FGA: variants seen among roughly 807,000 people sequenced by gnomAD.
FGA encodes the protein fibrinogen, A alpha polypeptide.
In FGA, 20 loss-of-function variants were observed where a neutral mutation model predicts 20.3. The observed-to-expected ratio is 0.99, with a 90% CI of 0.69 to 1.43. The LOEUF is 1.43. FGA is among the 40% of genes most tolerant of loss of function. The pLI, the probability that FGA is intolerant of heterozygous loss-of-function variation, is 0.00. For missense variants in FGA, 777 were observed against 784.7 expected (o/e 0.99, Z 0.12); for synonymous variants, 306 against 281.6 (o/e 1.09, Z -0.87).
chr4:154,585,168 A>G (rs1730675573), downstream of FGA: 1 of 1,106,632 alleles, frequency 9.0e-7, no homozygotes, highest in Non-Finnish European at 1.2e-6. Flanking sequence ...GTCAACTGAG[A>G]CACATACTAA....
Position 154,586,525 on chromosome 4 carries a change from G to A in FGA, c.904C>T (p.Pro302Ser). ...AGSWNSGSSG[P>S]GSTGNRNPGS... is the part of the protein sequence containing the mutation. ...GGGTTTCGGTTTCCAGTACTTCCAG[G>A]TCCAGAGCTCCCAGAGTTCCAGCTT... is the stretch of plus-strand genomic sequence containing the variant. The change falls in exon 5 of 5, where the codon CCT (proline) becomes TCT (serine). Residue 302 changes from proline (P) to serine (S), a missense_variant. Coordinates refer to ENST00000403106, the MANE Select transcript of FGA (RefSeq NM_021871.4). 6.2e-7 allele frequency: 1 copy of A among 1,613,336 alleles called. No individual in the cohort carries two copies. The highest frequency in any genetic ancestry group is 1.7e-5 in the Admixed American group (1 of 59,962).
At position 154,586,128 on chromosome 4, in the gene FGA, A is replaced by G; in HGVS notation, c.1301T>C (p.Val434Ala). The G allele has an allele frequency of 6.2e-7, 1 of 1,614,124 alleles. No homozygotes were observed. The highest frequency in any genetic ancestry group is 8.5e-7 in the Non-Finnish European group (1 of 1,179,992). Residue 434 changes from valine (V) to alanine (A), a missense_variant, in exon 5 of 5, where the codon GTC becomes GCC. Coordinates refer to ENST00000403106, the MANE Select transcript of FGA (RefSeq NM_021871.4). ...GAGCTCTTTATCTCCTTTAGAAGTG[A>G]CCAGTTTTTCTGTGTGGTACTCTCT... ...TRREYHTEKL[V>A]TSKGDKELRT...
chr4:154,589,097 A>AAGTAGGT (rs1449892589), intron 2 of FGA, 121 bp from the exon 3 acceptor site: 23 of 897,078 alleles, frequency 2.6e-5, no homozygotes, highest in Middle Eastern at 3.0e-4. Context: ...GTTGGCTTAA[A>AAGTAGGT]AGTAGGTAAG....
downstream of FGA, chr4:154,584,427 C>A (rs776549090): frequency 3.1e-6 from 5 of 1,614,184 alleles, no homozygotes; most frequent in South Asian, 4.4e-5. Context: ...AACCCTCAAT[C>A]AGAGCATCAC....
chr4:154,587,038 G>A, intron 4 of FGA, 120 bp from the exon 5 acceptor site: 1 of 940,450 alleles, frequency 1.1e-6, no homozygotes, highest in African/African-American at 1.6e-5. Context: ...TTGACTCGGA[G>A]ACCTACCACT....
chr4:154,585,119 C>A, downstream of FGA: 1 of 747,626 alleles, frequency 1.3e-6, no homozygotes, highest in Non-Finnish European at 2.0e-6. Flanking sequence ...CTAAGCATCA[C>A]TTAATACTAA....
intron 4 of FGA, among the ~76,000 whole-genome samples, chr4:154,587,272 TAGAC>T (rs1341463623): frequency 1.3e-5 from 2 of 152,310 alleles, no homozygotes; most frequent in African/African-American, 4.8e-5. Context: ...GCTTTGGAAT[TAGAC>T]AGGGACTGAA....
Position 154,587,212 on chromosome 4 carries a change from A to T in FGA, c.511-294T>A, listed in dbSNP as rs534931655. 2.0e-5 allele frequency among the ~76,000 whole-genome samples: 3 copies of T among 152,262 alleles called. No individual in the cohort carries two copies. In the South Asian group the frequency reaches 6.2e-4, roughly 32 times the overall value. The stretch of plus-strand genomic sequence containing the variant: ...TCTCAAAGGAAACGCTAATTAAATG[A>T]TCCTTGGTGAAACTCAGGCTGAGGG... On this transcript the variant is annotated intron_variant, in intron 4 of 4. Transcript: ENST00000403106.
rs374591410 is a variant in FGA at position 154,586,787 on chromosome 4, G to C, written c.642C>G (p.Pro214=). Residue 214 remains proline (P), a synonymous_variant, in exon 5 of 5, where the codon CCC becomes CCG. Transcript: ENST00000403106. ...LEQVIAKDLL[P]SRDRQHLPLI... The stretch of plus-strand genomic sequence containing the variant: ...GTGGTAAGTGTTGCCTATCTCTAGA[G>C]GGAAGTAAGTCTTTGGCAATGACCT... 1 of 1,614,106 alleles carries C rather than the reference G, an allele frequency of 6.2e-7. No individual in the cohort carries two copies.
intron 3 of FGA, among the ~76,000 whole-genome samples, chr4:154,588,071 T>C (rs1404005915): frequency 6.6e-6 from 1 of 152,236 alleles, no homozygotes; most frequent in African/African-American, 2.4e-5. Flanking sequence ...ATAACATCCT[T>C]AATCAAGGGA....
At chr4:154,583,458 A>C (rs1306123155), downstream of FGA, 1 of 152,168 alleles carries the variant, frequency 6.6e-6, no homozygotes, top group Non-Finnish European at 1.5e-5. Context: ...ATAGTTTTAA[A>C]ATTTTAAATG....
Position 154,589,471 on chromosome 4 carries a change from T to C in FGA, c.146A>G (p.Asp49Gly), listed in dbSNP as rs1416033313. The change falls in exon 2 of 5, where the codon GAT becomes GGT. Residue 49 changes from aspartate (D) to glycine (G), a missense_variant. Physicochemically the swap from Asp to Gly is moderately conservative, Grantham distance 94. Transcript: ENST00000403106. ...ATCAGAGCAGAAGGGCCAGTCTGAA[T>C]CTTTGCAGGCAGATTGATGTCTTTC... Reference protein sequence around the residue: ...VVERHQSACKDSDWPFCSDED... With the variant: ...VVERHQSACKGSDWPFCSDED... 2 of 1,614,184 alleles carry C rather than the reference T, an allele frequency of 1.2e-6. No individual in the cohort carries two copies. Among genetic ancestry groups the C allele is most frequent in the Admixed American group, 1.7e-5 (1 of 60,030 alleles).
rs745581691 is a variant in FGA, at chr4:154,587,654, C to A, written c.368G>T (p.Arg123Leu). 1.2e-6 allele frequency: 2 copies of A among 1,613,156 alleles called. No homozygotes were observed. The highest frequency in any genetic ancestry group is 2.2e-5 in the South Asian group (2 of 91,048). The change falls in exon 4 of 5, where the codon CGT becomes CTT. Residue 123 changes from arginine (R) to leucine (L), a missense_variant. Physicochemically the swap from Arg to Leu is moderately radical, Grantham distance 102. Coordinates refer to ENST00000403106, the MANE Select transcript of FGA (RefSeq NM_021871.4). ...TGACACTCGGTTGTAGGTATTATCA[C>A]GGTCTGAAATCGAAAATATGGTTAT... ...LRGDFSSANN[R>L]DNTYNRVSED...
chr4:154,584,553 A>G (rs1223769076), downstream of FGA: 4 of 1,614,138 alleles, frequency 2.5e-6, no homozygotes, highest in Non-Finnish European at 3.4e-6. Context: ...ATTCAACCCT[A>G]AGAACAGAGC....
chr4:154,587,397 G>A, intron 4 of FGA, 115 bp downstream of exon 4: 2 of 984,178 alleles, frequency 2.0e-6, no homozygotes, highest in Non-Finnish European at 3.2e-6. Context: ...CTTTTAGGTA[G>A]ATGATGGATA....
chr4:154,586,300 T>C lies in FGA; in HGVS notation c.1129A>G (p.Ser377Gly), dbSNP rs1197254831. 3 of 1,614,080 alleles carry C rather than the reference T, an allele frequency of 1.9e-6. No individual in the cohort carries two copies. Among genetic ancestry groups the C allele is most frequent in the Non-Finnish European group, 2.5e-6 (3 of 1,180,034 alleles). The change falls in exon 5 of 5, where the codon AGC becomes GGC. Residue 377 changes from serine (S) to glycine (G), a missense_variant. Ser to Gly is a moderately conservative substitution (Grantham distance 56). Transcript: ENST00000403106. The stretch of plus-strand genomic sequence containing the variant: ...TGTCCAGTACTACCAGATACAGAGC[T>C]CTCAGAGGTCCAGTGCCCAGCACTT... ...RGSAGHWTSE[S>G]SVSGSTGQWH... is the part of the protein sequence containing the mutation.
At position 154,586,050 on chromosome 4, in the gene FGA, G is replaced by C; in HGVS notation, c.1379C>G (p.Ser460Ter). ...AGTCTTAGTAACGGTTTTAGAGCAT[G>C]AACGACGCGTGGTGGTTGTGCTACC... ...TSGSTTTTRR[S>*]CSKTVTKTVI... Residue 460 changes from serine (S) to a stop codon, truncating the protein, a stop_gained, in exon 5 of 5, where the codon TCA becomes TGA. Transcript: ENST00000403106. LOFTEE classifies it low-confidence loss of function (END_TRUNC). 1 of 1,614,156 alleles carries C rather than the reference G, an allele frequency of 6.2e-7. No individual in the cohort carries two copies.
Position 154,585,461 on chromosome 4 carries a change from A to G in FGA, c.*33T>C, listed in dbSNP as rs551125036. 6 of 1,410,938 alleles carry G rather than the reference A, an allele frequency of 4.3e-6. No homozygotes were observed. In the South Asian group the frequency reaches 5.8e-5, roughly 14 times the overall value. The allele number at this position is 1,410,938 out of a possible 1,614,324, so 87.4% of individuals were successfully genotyped here. A position where few individuals can be genotyped will look rare whatever the true frequency, so the allele number is the denominator to read the frequency against. On this transcript the variant is annotated 3_prime_UTR_variant, in exon 5 of 5. Transcript: ENST00000403106. The stretch of plus-strand genomic sequence containing the variant: ...AGTTAAGAAGGAAATGCAAGGGGCC[A>G]TGGGAACACTGTGCAGAAATATTTA...
At chr4:154,589,277 ACAGTGCT>A (rs1360152351) in intron 2 of FGA, among the ~76,000 whole-genome samples, 153 bp downstream of exon 2, 7 of 152,174 alleles carry the variant, frequency 4.6e-5, no homozygotes, top group Non-Finnish European at 1.0e-4. Flanking sequence ...AGGTAAATAA[ACAGTGCT>A]CTTGGGAGTA....
Sources: allele counts gnomAD v4.1 joint callset (sites outside exome capture counted in the v4.1 genomes callset), GRCh38; gene constraint gnomAD v4.1.1; transcripts MANE v1.5; gene names NCBI Gene and HGNC (gene_info 2026-07-23, HGNC 2026-07-21).